ACSM1: variants seen among roughly 807,000 people sequenced by gnomAD.
ACSM1 encodes acyl-CoA synthetase medium chain family member 1.
In ACSM1, 79 loss-of-function variants were observed where a neutral mutation model predicts 75.8. The observed-to-expected ratio is 1.04, with a 90% CI of 0.87 to 1.26. The LOEUF is 1.26. ACSM1 is among the 50% of genes most tolerant of loss of function. The pLI is 0.00. For synonymous variants in ACSM1, 279 were observed against 265.8 expected (o/e 1.05, Z -0.48); for missense variants, 676 against 720.1 (o/e 0.94, Z 0.70).
intron 10 of ACSM1, 42 bp from the exon 11 acceptor site, chr16:20,627,358 T>C (rs1260799860): frequency 6.5e-7 from 1 of 1,538,262 alleles, no homozygotes; most frequent in Non-Finnish European, 8.7e-7. Context: ...GCAGTGAATT[T>C]AGAGGTGATG....
intron 11 of ACSM1, among the ~76,000 whole-genome samples, chr16:20,626,445 C>A (rs2016929582): frequency 6.6e-6 from 1 of 152,058 alleles, no homozygotes; most frequent in Non-Finnish European, 1.5e-5. Context: ...GTGTAATGCG[C>A]CTTTTTAAAA....
Position 20,625,549 on chromosome 16 carries a change from A to T in ACSM1, c.1428-27T>A, listed in dbSNP as rs758064325. The T allele has an allele frequency of 1.9e-6, 3 of 1,603,524 alleles. No individual in the cohort carries two copies. The African/African-American group carries it at 4.0e-5, about 21-fold the overall frequency. ...TGGAGGATGAAGGGTTCTGAGGCAG[A>T]TGCCAGGGCTGGGGTGAACCAAGTC... On this transcript the variant is annotated intron_variant, in intron 11 of 13. Coordinates refer to ENST00000520010, the MANE Select transcript of ACSM1 (RefSeq NM_001318890.3).
intron 11 of ACSM1, among the ~76,000 whole-genome samples, chr16:20,626,773 T>C (rs2016949250): frequency 6.6e-6 from 1 of 152,022 alleles, no homozygotes. Flanking sequence ...AACAAATATA[T>C]TCATAATAAT....
intron 7 of ACSM1, among the ~76,000 whole-genome samples, chr16:20,646,088 G>T (rs922090467): frequency 6.6e-6 from 1 of 151,970 alleles, no homozygotes; most frequent in Non-Finnish European, 1.5e-5. Context: ...TAGAGATCAG[G>T]AGTAGCAGGT....
intron 7 of ACSM1, among the ~76,000 whole-genome samples, chr16:20,654,152 G>A (rs901369651): frequency 5.9e-5 from 9 of 152,090 alleles, no homozygotes; most frequent in African/African-American, 2.2e-4. Context: ...CAAGAAATGG[G>A]GAAAGGATTC....
chr16:20,693,446 T>G (rs1451795897), intron 1 of ACSM1, among the ~76,000 whole-genome samples: 2 of 152,246 alleles, frequency 1.3e-5, no homozygotes, highest in Non-Finnish European at 2.9e-5. Flanking sequence ...CATGTAAATG[T>G]TGACTGAAGA....
chr16:20,677,031 TAGTAGTAAACAAAAGCA>T lies in ACSM1; in HGVS notation c.611+5208_611+5224del, dbSNP rs570991462. ...ATATAAGCCAAGAGGAAAGATGGCT[TAGTAGTAAACAAAAGCA>T]ATCTGTTTGTGCACTTCCTACTCCA... is the stretch of plus-strand genomic sequence containing the variant. On this transcript the variant is annotated intron_variant, in intron 4 of 13. Coordinates refer to ENST00000520010, the MANE Select transcript of ACSM1 (RefSeq NM_001318890.3). Among the ~76,000 whole-genome samples the T allele has an allele frequency of 2.3e-3, 350 of 152,136 alleles. 3 individuals are homozygous for T. Among genetic ancestry groups the T allele is most frequent in the Non-Finnish European group, 2.7e-3 (181 of 67,998 alleles).
At chr16:20,659,196 C>G (rs2019163099) in intron 7 of ACSM1, among the ~76,000 whole-genome samples, 1 of 152,048 alleles carries the variant, frequency 6.6e-6, no homozygotes, top group South Asian at 2.1e-4. Flanking sequence ...GGTCTTCCCC[C>G]CATTATCCAA....
intron 4 of ACSM1, chr16:20,681,303 G>A (rs2152308010): frequency 6.6e-6 from 1 of 152,362 alleles, no homozygotes; most frequent in East Asian, 1.9e-4. Flanking sequence ...GGAAGAGTAT[G>A]TGGAAAATTT....
At chr16:20,626,047 C>G (rs912750285) in intron 11 of ACSM1, among the ~76,000 whole-genome samples, 1 of 152,120 alleles carries the variant, frequency 6.6e-6, no homozygotes, top group African/African-American at 2.4e-5. Flanking sequence ...AAAATCTACT[C>G]TTTGTGCAAA....
At chr16:20,649,225 G>C (rs985626161) in intron 7 of ACSM1, among the ~76,000 whole-genome samples, 3 of 151,986 alleles carry the variant, frequency 2.0e-5, no homozygotes, top group Admixed American at 6.6e-5. Context: ...CCTACCTAAA[G>C]GGTCTAGGGA....
chr16:20,680,275 T>C (rs1323059491), intron 4 of ACSM1: 1 of 152,154 alleles, frequency 6.6e-6, no homozygotes, highest in African/African-American at 2.4e-5. Flanking sequence ...GCCTTGGAGT[T>C]CCACTACTAA....
At chr16:20,644,677 C>G (rs1295394312) in intron 7 of ACSM1, among the ~76,000 whole-genome samples, 1 of 152,134 alleles carries the variant, frequency 6.6e-6, no homozygotes, top group Non-Finnish European at 1.5e-5. Flanking sequence ...GCTGTTTGTA[C>G]TCAGCCAAGC....
chr16:20,625,204 A>C (rs1181504730), intron 12 of ACSM1, among the ~76,000 whole-genome samples: 1 of 152,188 alleles, frequency 6.6e-6, no homozygotes, highest in Non-Finnish European at 1.5e-5. Flanking sequence ...TGTGAGAGTT[A>C]AGTGATTTGG....
chr16:20,690,263 A>C (rs886711346), intron 2 of ACSM1, among the ~76,000 whole-genome samples: 2 of 152,198 alleles, frequency 1.3e-5, no homozygotes, highest in Non-Finnish European at 2.9e-5. Context: ...GTGACTTTTT[A>C]CACTACCATA....
intron 1 of ACSM1, among the ~76,000 whole-genome samples, chr16:20,692,913 A>G (rs772333337): frequency 4.0e-4 from 61 of 152,084 alleles, no homozygotes; most frequent in Non-Finnish European, 7.2e-4. Context: ...GCTCATGCCT[A>G]TAATCCCAGC....
rs1209656253 is a variant in ACSM1, at chr16:20,665,607, G to A, written c.913-3734C>T. Among the ~76,000 whole-genome samples the A allele has an allele frequency of 4.1e-5, 6 of 147,526 alleles. No individual in the cohort carries two copies. The East Asian group carries it at 1.2e-3, about 29-fold the overall frequency. On this transcript the variant is annotated intron_variant, in intron 6 of 13. Transcript: ENST00000520010. ...TCTGTAACTAATCCAAAAGATTAAG[G>A]AGAAGGGACTCCTTTCTAACCATTC...
At chr16:20,664,491 C>T in intron 6 of ACSM1, among the ~76,000 whole-genome samples, 1 of 152,114 alleles carries the variant, frequency 6.6e-6, no homozygotes, top group Non-Finnish European at 1.5e-5. Flanking sequence ...AATGTTGGAA[C>T]ACCTAGATTT....
At chr16:20,640,330 T>C in intron 8 of ACSM1, 131 bp downstream of exon 8, 2 of 1,068,770 alleles carry the variant, frequency 1.9e-6, no homozygotes, top group South Asian at 3.2e-5. Context: ...CTTTAAATAT[T>C]GAAGCCCTCA....
Sources: allele counts gnomAD v4.1 joint callset (sites outside exome capture counted in the v4.1 genomes callset), GRCh38; gene constraint gnomAD v4.1.1; transcripts MANE v1.5; gene names NCBI Gene and HGNC (gene_info 2026-07-23, HGNC 2026-07-21).